Variants in OR8D1 observed in about 807,000 individuals in gnomAD.
The protein encoded by OR8D1 is olfactory receptor 8D1.
For missense variants in OR8D1, 384 were observed against 366.8 expected (o/e 1.05, Z -0.38); for synonymous variants, 143 against 147.0 (o/e 0.97, Z 0.20).
intron 2 of OR8D1, among the ~76,000 whole-genome samples, chr11:124,311,197 G>A (rs1474138413): frequency 6.6e-6 from 1 of 152,104 alleles, no homozygotes; most frequent in Admixed American, 6.6e-5. Flanking sequence ...AACAAGGAGA[G>A]GATGACGCCT....
rs1250369361 is a variant in OR8D1 at position 124,307,849 on chromosome 11, G to A, written c.*1991C>T. On this transcript the variant is annotated 3_prime_UTR_variant, in exon 3 of 3. Coordinates refer to ENST00000641015, the MANE Select transcript of OR8D1 (RefSeq NM_001002917.2). Reference sequence around the variant, plus strand: ...CTCCCTGGATTTGTTAAATGTATAAGTTCTGAGCAGGGCTACAAATACCCA... The same window carrying A: ...CTCCCTGGATTTGTTAAATGTATAAATTCTGAGCAGGGCTACAAATACCCA... 1.3e-5 allele frequency: 2 copies of A among 152,024 alleles called. No individual in the cohort carries two copies. The highest frequency in any genetic ancestry group is 2.9e-5 in the Non-Finnish European group (2 of 68,004). The allele number at this position is 152,024 out of a possible 1,614,324, so 9.4% of individuals were successfully genotyped here. A position where few individuals can be genotyped will look rare whatever the true frequency, so the allele number is the denominator to read the frequency against.
In OR8D1 at chr11:124,310,195, T is replaced by C. The variant is rs942311995; in HGVS notation, c.572A>G (p.Asn191Ser). 6.2e-7 allele frequency: 1 copy of C among 1,613,604 alleles called. No individual in the cohort carries two copies. The highest frequency in any genetic ancestry group is 8.5e-7 in the Non-Finnish European group (1 of 1,179,848). ...AAGTAGAAGCTCATTGAGGTGTGTG[T>C]TGGAGCAGGAGAGATTGAGGAGGGG... is the stretch of plus-strand genomic sequence containing the variant. ...VLPLLNLSCS[N>S]THLNELLLFI... The change falls in exon 3 of 3, where the codon AAC becomes AGC. Residue 191 changes from asparagine (N) to serine (S), a missense_variant. Coordinates refer to ENST00000641015, the MANE Select transcript of OR8D1 (RefSeq NM_001002917.2).
chr11:124,311,137 C>G (rs779498694), intron 2 of OR8D1, among the ~76,000 whole-genome samples: 2 of 152,020 alleles, frequency 1.3e-5, no homozygotes, highest in African/African-American at 4.8e-5. Flanking sequence ...TTCAATTTCC[C>G]CAGTTTTCTC....
chr11:124,310,129 G>T lies in OR8D1; in HGVS notation c.638C>A (p.Ala213Asp). Residue 213 changes from alanine to aspartate, a missense_variant, in exon 3 of 3, where the codon GCT (alanine) becomes GAT (aspartate). Physicochemically the swap from Ala to Asp is moderately radical, Grantham distance 126. Transcript: ENST00000641015. Reference protein sequence around the residue: ...AGFNTLVPTLAVAVSYAFILY... With the variant: ...AGFNTLVPTLDVAVSYAFILY... Reference sequence around the variant, plus strand: ...GATGAAGGCATAGGAGACAGCAACAGCTAGGGTGGGCACCAAGGTGTTAAA... The same window carrying T: ...GATGAAGGCATAGGAGACAGCAACATCTAGGGTGGGCACCAAGGTGTTAAA... 1 of 1,613,716 alleles carries T rather than the reference G, an allele frequency of 6.2e-7. No individual in the cohort carries two copies. Among genetic ancestry groups the T allele is most frequent in the Non-Finnish European group, 8.5e-7 (1 of 1,179,866 alleles).
Position 124,310,386 on chromosome 11 carries a change from A to G in OR8D1, c.381T>C (p.Cys127=). ...TGATCGCATTATAAAGCAGTGGGCT[A>G]CAGATGGCAACATAGCGATCATATG... ...AMAYDRYVAI[C]SPLLYNAIMS... Residue 127 remains cysteine (C), a synonymous_variant, in exon 3 of 3, where the codon TGT becomes TGC. Coordinates refer to ENST00000641015, the MANE Select transcript of OR8D1 (RefSeq NM_001002917.2). The G allele has an allele frequency of 6.2e-7, 1 of 1,612,806 alleles. No homozygotes were observed. Among genetic ancestry groups the G allele is most frequent in the Non-Finnish European group, 8.5e-7 (1 of 1,179,458 alleles).
Position 124,310,583 on chromosome 11 carries a change from A to G in OR8D1, c.184T>C (p.Phe62Leu), listed in dbSNP as rs1862412926. 1.9e-6 allele frequency: 3 copies of G among 1,613,938 alleles called. No individual in the cohort carries two copies. Among genetic ancestry groups the G allele is most frequent in the Non-Finnish European group, 2.5e-6 (3 of 1,179,936 alleles). ...TCGACGAAGGACAAGCTGCTGAGGAAATAGTACATGGGGGTGTGAAGTAGA... is the reference window on the plus strand; with the variant it reads ...TCGACGAAGGACAAGCTGCTGAGGAGATAGTACATGGGGGTGTGAAGTAGA... ...SPLLHTPMYY[F>L]LSSLSFVDFC... Residue 62 changes from phenylalanine (F) to leucine (L), a missense_variant, in exon 3 of 3, where the codon TTC (phenylalanine) becomes CTC (leucine). Physicochemically the swap from Phe to Leu is conservative, Grantham distance 22 (BLOSUM62 0). Transcript: ENST00000641015.
rs1394295195 is a variant in OR8D1 at position 124,310,690 on chromosome 11, G to A, written c.77C>T (p.Pro26Leu). ...GATTCCCAGGAACAGGAGGAAGAGG[G>A]GCAGCTGGAGCTCTGCTTGCTGTGT... The part of the protein sequence containing the change: ...GLTQQAELQL[P>L]LFLLFLGIYV... The change falls in exon 3 of 3, where the codon CCC becomes CTC. Residue 26 changes from proline to leucine, a missense_variant. Pro to Leu is a moderately conservative substitution (Grantham distance 98). Transcript: ENST00000641015. 3 of 1,613,892 alleles carry A rather than the reference G, an allele frequency of 1.9e-6. No homozygotes were observed. The highest frequency in any genetic ancestry group is 2.5e-6 in the Non-Finnish European group (3 of 1,179,848).
rs775055105 is a variant in OR8D1, at chr11:124,304,338, G to C, written c.*5502C>G. On this transcript the variant is annotated 3_prime_UTR_variant, in exon 3 of 3. Coordinates refer to ENST00000641015, the MANE Select transcript of OR8D1 (RefSeq NM_001002917.2). Reference sequence around the variant, plus strand: ...TCTTGGCCTAGACATATTATTAAATGATATTCATCTGTTTGGTTGCATGCC... The same window carrying C: ...TCTTGGCCTAGACATATTATTAAATCATATTCATCTGTTTGGTTGCATGCC... 3.9e-5 allele frequency: 6 copies of C among 152,000 alleles called. No homozygotes were observed. In the East Asian group the frequency reaches 1.2e-3, roughly 29 times the overall value. The allele number at this position is 152,000 out of a possible 1,614,324, so 9.4% of individuals were successfully genotyped here.
intron 1 of OR8D1, among the ~76,000 whole-genome samples, chr11:124,313,143 C>T (rs561076407): frequency 6.6e-6 from 1 of 150,380 alleles, no homozygotes; most frequent in South Asian, 2.1e-4. Context: ...CACTGCACTC[C>T]AGCGCGGGTG....
Position 124,310,509 on chromosome 11 carries a change from T to C in OR8D1, c.258A>G (p.Leu86=), listed in dbSNP as rs756147822. Residue 86 remains leucine (L), a synonymous_variant, in exon 3 of 3, where the codon CTA becomes CTG. Transcript: ENST00000641015. ...AGTAAAGGATTGTATTCTTCTTTCC[T>C]AGGAAGTTCACCAGCATTTTGGGAG... ...VITPKMLVNF[L]GKKNTILYSE... is the part of the protein sequence containing the mutation. 1 of 1,613,732 alleles carries C rather than the reference T, an allele frequency of 6.2e-7. No homozygotes were observed. The highest frequency in any genetic ancestry group is 1.1e-5 in the South Asian group (1 of 91,068).
rs1486211050 is a variant in OR8D1 at position 124,310,447 on chromosome 11, A to G, written c.320T>C (p.Phe107Ser). 6.2e-7 allele frequency: 1 copy of G among 1,613,658 alleles called. No homozygotes were observed. The highest frequency in any genetic ancestry group is 1.7e-5 in the Admixed American group (1 of 59,916). Reference protein sequence around the residue: ...CMVQLFFFVVFVVAEGYLLTA... With the variant: ...CMVQLFFFVVSVVAEGYLLTA... The stretch of plus-strand genomic sequence containing the variant: ...CAGGAGGTAACCCTCAGCCACCACA[A>G]AGACCACAAAGAAAAAGAGCTGGAC... The change falls in exon 3 of 3, where the codon TTT becomes TCT. Residue 107 changes from phenylalanine to serine, a missense_variant. Phe to Ser is a radical substitution (Grantham distance 155). Coordinates refer to ENST00000641015, the MANE Select transcript of OR8D1 (RefSeq NM_001002917.2).
rs1219751956 is a variant in OR8D1 at position 124,303,678 on chromosome 11, A to G, written c.*6162T>C. 6.6e-6 allele frequency: 1 copy of G among 151,926 alleles called. No homozygotes were observed. The highest frequency in any genetic ancestry group is 1.5e-5 in the Non-Finnish European group (1 of 67,966). The allele number at this position is 151,926 out of a possible 1,614,324, so 9.4% of individuals were successfully genotyped here. On this transcript the variant is annotated 3_prime_UTR_variant, in exon 3 of 3. Transcript: ENST00000641015. The stretch of plus-strand genomic sequence containing the variant: ...GTTTTTTAATGTGGCTGTATTTATG[A>G]TTCATTTTCTTTAAAAATTATGCTC...
In OR8D1 at chr11:124,304,448, G is replaced by A. The variant is rs1233441254; in HGVS notation, c.*5392C>T. On this transcript the variant is annotated 3_prime_UTR_variant, in exon 3 of 3. Transcript: ENST00000641015. ...TTCCTTCTCCATTTATCAGATGACG[G>A]ACATTTCTTGATTTTTTTGCTATTA... 1 of 151,666 alleles carries A rather than the reference G, an allele frequency of 6.6e-6. No homozygotes were observed. Among genetic ancestry groups the A allele is most frequent in the African/African-American group, 2.4e-5 (1 of 41,356 alleles). The allele number at this position is 151,666 out of a possible 1,614,324, so 9.4% of individuals were successfully genotyped here.
chr11:124,303,211 G>A lies in OR8D1; in HGVS notation c.*6629C>T, dbSNP rs1862339897. ...TGGCGGGAGGTGTGAGACAGAGCAG[G>A]AAAAACTACCATTTATAAAACCATC... On this transcript the variant is annotated 3_prime_UTR_variant, in exon 3 of 3. Coordinates refer to ENST00000641015, the MANE Select transcript of OR8D1 (RefSeq NM_001002917.2). The A allele has an allele frequency of 6.6e-6, 1 of 152,004 alleles. No homozygotes were observed. Among genetic ancestry groups the A allele is most frequent in the South Asian group, 2.1e-4 (1 of 4,828 alleles). The allele number at this position is 152,004 out of a possible 1,614,324, so 9.4% of individuals were successfully genotyped here. A position where few individuals can be genotyped will look rare whatever the true frequency, so the allele number is the denominator to read the frequency against.
At position 124,309,991 on chromosome 11, in the gene OR8D1, T is replaced by C. The variant is rs144124882; in HGVS notation, c.776A>G (p.Tyr259Cys). 5 of 1,583,626 alleles carry C rather than the reference T, an allele frequency of 3.2e-6. No individual in the cohort carries two copies. Among genetic ancestry groups the C allele is most frequent in the African/African-American group, 1.4e-5 (1 of 73,842 alleles). ...GGAGTTACTTGAAGGGGGCTTGAAA[T>C]ACATGAAGGTAATGGACCCAAAGAA... Reference protein sequence around the residue: ...VIFFGSITFMYFKPPSSNSLD... With the variant: ...VIFFGSITFMCFKPPSSNSLD... The change falls in exon 3 of 3, where the codon TAT becomes TGT. Residue 259 changes from tyrosine to cysteine, a missense_variant. Transcript: ENST00000641015.
chr11:124,310,314 CAAG>C lies in OR8D1; in HGVS notation c.450_452del (p.Phe150del). ...TATGAGTCAAGGCAGAGAGAAAGCC[CAAG>C]AAGAAGGCAGCCAGCACTAGCAGTG... is the stretch of plus-strand genomic sequence containing the variant. On this transcript the variant is annotated inframe_deletion, in exon 3 of 3. Transcript: ENST00000641015. 6.2e-7 allele frequency: 1 copy of C among 1,613,662 alleles called. No individual in the cohort carries two copies. The highest frequency in any genetic ancestry group is 1.1e-5 in the South Asian group (1 of 91,056).
rs1355813748 is a variant in OR8D1 at position 124,305,368 on chromosome 11, CTA to C, written c.*4470_*4471del. 6.6e-6 allele frequency: 1 copy of C among 151,382 alleles called. No homozygotes were observed. Among genetic ancestry groups the C allele is most frequent in the East Asian group, 1.9e-4 (1 of 5,164 alleles). The allele number at this position is 151,382 out of a possible 1,614,324, so 9.4% of individuals were successfully genotyped here. A position where few individuals can be genotyped will look rare whatever the true frequency, so the allele number is the denominator to read the frequency against. The stretch of plus-strand genomic sequence containing the variant: ...TATAAACACAAAATTCTTGGAAATG[CTA>C]ATAATCTACAATGACAAAAGTGGAT... On this transcript the variant is annotated 3_prime_UTR_variant, in exon 3 of 3. Transcript: ENST00000641015.
chr11:124,307,197 A>C lies in OR8D1; in HGVS notation c.*2643T>G, dbSNP rs2137789260. On this transcript the variant is annotated 3_prime_UTR_variant, in exon 3 of 3. Transcript: ENST00000641015. ...CAGCAAAAGTAGATTTAAGTACAAAAGTGTACTTACAAGTTTGGGACTTTC... is the reference window on the plus strand; with the variant it reads ...CAGCAAAAGTAGATTTAAGTACAAACGTGTACTTACAAGTTTGGGACTTTC... 6.6e-6 allele frequency: 1 copy of C among 150,614 alleles called. No individual in the cohort carries two copies. Among genetic ancestry groups the C allele is most frequent in the South Asian group, 2.1e-4 (1 of 4,788 alleles). The allele number at this position is 150,614 out of a possible 1,614,324, so 9.3% of individuals were successfully genotyped here.
At position 124,309,941 on chromosome 11, in the gene OR8D1, C is replaced by G. The variant is rs778313054; in HGVS notation, c.826G>C (p.Val276Leu). Residue 276 changes from valine (V) to leucine (L), a missense_variant, in exon 3 of 3, where the codon GTG becomes CTG. Physicochemically the swap from Val to Leu is conservative, Grantham distance 32. Transcript: ENST00000641015. ...NSLDQEKVSS[V>L]FYTTVIPMLN... ...ATGGGGATCACCGTGGTGTAGAACA[C>G]AGAGGACACCTTCTCCTGGTCCAGG... 5.0e-5 allele frequency: 77 copies of G among 1,551,012 alleles called. No individual in the cohort carries two copies. The highest frequency in any genetic ancestry group is 6.7e-5 in the Non-Finnish European group (77 of 1,152,060).
Sources: allele counts gnomAD v4.1 joint callset (sites outside exome capture counted in the v4.1 genomes callset), GRCh38; gene constraint gnomAD v4.1.1; transcripts MANE v1.5; gene names NCBI Gene and HGNC (gene_info 2026-07-23, HGNC 2026-07-21).